CIMAP3: variants seen among roughly 807,000 people sequenced by gnomAD.
The protein encoded by CIMAP3 is ciliary microtubule-associated protein 3.
chr1:111,334,825 A>T, the CIMAP3 span, among the ~76,000 whole-genome samples: 3 of 152,188 alleles, frequency 2.0e-5, no homozygotes, highest in Admixed American at 2.0e-4. Flanking sequence ...TCAAAGATGG[A>T]TTATTTGAAA....
the CIMAP3 span, among the ~76,000 whole-genome samples, chr1:111,325,209 A>G: frequency 1.3e-5 from 2 of 151,718 alleles, no homozygotes; most frequent in Non-Finnish European, 2.9e-5. Flanking sequence ...CTCACTGTAT[A>G]CGATTTGTCC....
the CIMAP3 span, chr1:111,349,413 G>T: frequency 6.6e-6 from 1 of 152,354 alleles, no homozygotes; most frequent in Admixed American, 6.5e-5. Context: ...CATAGGCCTT[G>T]CAGGCCAACA....
chr1:111,347,643 TTTTG>T, the CIMAP3 span: 166 of 1,349,562 alleles, frequency 1.2e-4, no homozygotes, highest in Non-Finnish European at 1.6e-4. Flanking sequence ...TTTTTGGTGT[TTTTG>T]TTTGTTTTTT....
the CIMAP3 span, among the ~76,000 whole-genome samples, chr1:111,336,168 C>T: frequency 3.3e-5 from 5 of 152,154 alleles, no homozygotes; most frequent in Non-Finnish European, 7.4e-5. Context: ...AACTAACAAA[C>T]AGAAAGGACA....
the CIMAP3 span, chr1:111,350,113 G>A: frequency 6.2e-7 from 1 of 1,612,274 alleles, no homozygotes; most frequent in Non-Finnish European, 8.5e-7. Context: ...TAGCCCTGGT[G>A]CATACAACCC....
At chr1:111,335,594 T>C in the CIMAP3 span, among the ~76,000 whole-genome samples, 1 of 152,220 alleles carries the variant, frequency 6.6e-6, no homozygotes, top group African/African-American at 2.4e-5. Context: ...ATCTCGCTGA[T>C]TGCTAGCACA....
chr1:111,326,967 A>C, the CIMAP3 span, among the ~76,000 whole-genome samples: 2 of 151,874 alleles, frequency 1.3e-5, no homozygotes, highest in Non-Finnish European at 2.9e-5. Flanking sequence ...GAGTTGTTTT[A>C]CTTCCTTGTA....
chr1:111,330,637 T>C, the CIMAP3 span, among the ~76,000 whole-genome samples: 1 of 152,214 alleles, frequency 6.6e-6, no homozygotes, highest in Non-Finnish European at 1.5e-5. Context: ...TGGCCATAGA[T>C]TGTGACTTGG....
the CIMAP3 span, among the ~76,000 whole-genome samples, chr1:111,345,605 A>G: frequency 6.6e-6 from 1 of 152,168 alleles, no homozygotes; most frequent in East Asian, 1.9e-4. Flanking sequence ...TGGAAAGTCT[A>G]CCTTAGATCT....
chr1:111,329,515 CCATATATATATATATA>C, the CIMAP3 span, among the ~76,000 whole-genome samples: 26 of 77,016 alleles, frequency 3.4e-4, no homozygotes, highest in East Asian at 0.011. Flanking sequence ...TCACATAAAC[CCATATATATATATATA>C]TATATATATA....
chr1:111,350,647 T>A, the CIMAP3 span, among the ~76,000 whole-genome samples: 2 of 152,220 alleles, frequency 1.3e-5, no homozygotes, highest in South Asian at 4.1e-4. Context: ...GCTAAGAGCA[T>A]GGATTATGGG....
chr1:111,347,021 A>C, the CIMAP3 span: 5 of 1,613,800 alleles, frequency 3.1e-6, no homozygotes, highest in Non-Finnish European at 4.2e-6. Flanking sequence ...GGATCACCCC[A>C]CAGAGGGCCT....
At chr1:111,349,911 A>G in the CIMAP3 span, 1 of 524,552 alleles carries the variant, frequency 1.9e-6, no homozygotes, top group Non-Finnish European at 3.4e-6. Flanking sequence ...AAGATTGTCA[A>G]GTTAGATGTT....
At chr1:111,334,351 T>G in the CIMAP3 span, among the ~76,000 whole-genome samples, 3 of 152,224 alleles carry the variant, frequency 2.0e-5, no homozygotes, top group Admixed American at 6.5e-5. Context: ...AAATCTGGGC[T>G]TAGGGCACCA....
At chr1:111,352,278 T>C in the CIMAP3 span, 7 of 152,776 alleles carry the variant, frequency 4.6e-5, no homozygotes, top group African/African-American at 1.7e-4. Context: ...AAGGGTCCTT[T>C]TGTACCCACT....
At chr1:111,340,338 A>T in the CIMAP3 span, among the ~76,000 whole-genome samples, 2 of 152,012 alleles carry the variant, frequency 1.3e-5, no homozygotes, top group African/African-American at 4.8e-5. Context: ...ATGGCAACAA[A>T]AGACAAAATT....
the CIMAP3 span, among the ~76,000 whole-genome samples, chr1:111,350,795 A>C: frequency 0.33 from 50,247 of 152,098 alleles, 8,552 homozygotes; most frequent in African/African-American, 0.39. Context: ...TAAGGTTATA[A>C]AGAAAATGTG....
At chr1:111,352,684 C>T in the CIMAP3 span, 1 of 152,334 alleles carries the variant, frequency 6.6e-6, no homozygotes, top group African/African-American at 2.4e-5. Context: ...TAACTGTTAT[C>T]ACCTCTCCTG....
the CIMAP3 span, chr1:111,348,538 G>A: frequency 1.4e-5 from 23 of 1,607,614 alleles, no homozygotes; most frequent in East Asian, 3.1e-4. Flanking sequence ...CATGCAGGCA[G>A]GTACCAGAAA....
Sources: gnomAD v4.1 joint callset for allele counts (sites outside exome capture counted in the v4.1 genomes callset) on GRCh38, gnomAD v4.1.1 for gene constraint, MANE v1.5 for transcripts, NCBI Gene and HGNC (gene_info 2026-07-23, HGNC 2026-07-21) for gene names.